The following CTBP2 variants were observed in gnomAD, a reference collection of about 807,000 sequenced individuals.
The protein encoded by CTBP2 is C-terminal binding protein 2.
A neutral mutation model predicts 80.3 loss-of-function variants in CTBP2; 30 were observed. That is an observed-to-expected ratio of 0.37 (90% CI 0.28 to 0.51). CTBP2 has a LOEUF of 0.51. Among genes scored for constraint, CTBP2 ranks in the 20% least tolerant of loss-of-function variants. The pLI, the probability that CTBP2 is intolerant of heterozygous loss-of-function variation, is 0.93. For synonymous variants in CTBP2, 594 were observed against 587.4 expected, an observed-to-expected ratio of 1.01 and a Z score of -0.16; for missense variants, 1,212 against 1,375.3, an observed-to-expected ratio of 0.88 and a Z score of 1.88.
At chr10:125,020,482 A>C (rs1956929081) in intron 1 of CTBP2, among the ~76,000 whole-genome samples, 1 of 152,232 alleles carries the variant, frequency 6.6e-6, no homozygotes, top group South Asian at 2.1e-4. Context: ...AGGTCAGTCA[A>C]CGCGGGCCTT....
chr10:125,035,292 G>A (rs1958736649), intron 3 of CTBP2, among the ~76,000 whole-genome samples: 1 of 152,124 alleles, frequency 6.6e-6, no homozygotes, highest in Non-Finnish European at 1.5e-5. Context: ...ATCCTCTGTG[G>A]TCGTGAGAAC....
chr10:125,022,999 T>C (rs1957202458), intron 1 of CTBP2, among the ~76,000 whole-genome samples: 1 of 152,152 alleles, frequency 6.6e-6, no homozygotes, highest in Admixed American at 6.5e-5. Context: ...GAGATCAGCG[T>C]TCACACCTCC....
At chr10:125,098,936 G>A (rs549846760) in intron 2 of CTBP2, among the ~76,000 whole-genome samples, 1 of 152,106 alleles carries the variant, frequency 6.6e-6, no homozygotes, top group Non-Finnish European at 1.5e-5. Context: ...GGTGTGTGGG[G>A]AATGGAACTG....
intron 2 of CTBP2, among the ~76,000 whole-genome samples, chr10:125,078,998 C>G (rs113711528): frequency 1.5e-5 from 2 of 132,774 alleles, no homozygotes; most frequent in South Asian, 2.6e-4. Context: ...AAAAAAAAAA[C>G]GAGCCGGGCA....
intron 2 of CTBP2, among the ~76,000 whole-genome samples, chr10:125,093,225 T>C (rs1389182198): frequency 1.3e-5 from 2 of 152,214 alleles, no homozygotes; most frequent in African/African-American, 2.4e-5. Context: ...TTTTGGAAAG[T>C]TAAGTTTTCT....
intron 2 of CTBP2, among the ~76,000 whole-genome samples, chr10:125,055,890 G>T (rs1391553146): frequency 6.6e-6 from 1 of 152,168 alleles, no homozygotes; most frequent in South Asian, 2.1e-4. Flanking sequence ...TAACTGGCCA[G>T]GCGTGGCAGC....
At chr10:125,103,129 G>A (rs1463930146) in intron 2 of CTBP2, among the ~76,000 whole-genome samples, 2 of 152,174 alleles carry the variant, frequency 1.3e-5, no homozygotes, top group Non-Finnish European at 2.9e-5. Context: ...CCCCTGAACA[G>A]GTAGTATAAC....
At chr10:125,042,425 A>AT (rs773567686) in intron 2 of CTBP2, among the ~76,000 whole-genome samples, 4 of 152,004 alleles carry the variant, frequency 2.6e-5, no homozygotes, top group Non-Finnish European at 5.9e-5. Flanking sequence ...TCATAAATCA[A>AT]TTTTTCCCCC....
intron 1 of CTBP2, among the ~76,000 whole-genome samples, chr10:125,135,386 C>T (rs1021014909): frequency 5.3e-5 from 8 of 152,178 alleles, no homozygotes; most frequent in African/African-American, 1.9e-4. Flanking sequence ...CACTGGAAAG[C>T]CAGATTCTTT....
At chr10:125,115,877 A>C (rs971327633) in intron 1 of CTBP2, among the ~76,000 whole-genome samples, 1 of 152,142 alleles carries the variant, frequency 6.6e-6, no homozygotes, top group African/African-American at 2.4e-5. Context: ...CTTCTGCCCC[A>C]AGCACAGGGC....
chr10:125,028,357 A>G (rs894918592), upstream of CTBP2, among the ~76,000 whole-genome samples: 6 of 152,318 alleles, frequency 3.9e-5, no homozygotes, highest in South Asian at 1.0e-3. Flanking sequence ...GGCTGCTTCA[A>G]TGTCAGTCCA....
At chr10:125,024,596 G>A (rs751839227) in intron 1 of CTBP2, among the ~76,000 whole-genome samples, 7 of 152,204 alleles carry the variant, frequency 4.6e-5, no homozygotes, top group Non-Finnish European at 1.0e-4. Flanking sequence ...ACTTGGGTGA[G>A]GAGATAATCT....
At chr10:125,023,629 C>T (rs891807116) in intron 1 of CTBP2, among the ~76,000 whole-genome samples, 23 of 152,216 alleles carry the variant, frequency 1.5e-4, no homozygotes, top group Admixed American at 1.3e-3. Flanking sequence ...TGGTGGGCCG[C>T]ACTGGGGTCC....
At chr10:125,030,149 C>G, upstream of CTBP2, among the ~76,000 whole-genome samples, 1 of 3,748 alleles carries the variant, frequency 2.7e-4, no homozygotes, top group East Asian at 0.045. Context: ...ACAAACACCA[C>G]ACACACACAC....
intron 2 of CTBP2, among the ~76,000 whole-genome samples, chr10:125,103,411 G>A (rs188212952): frequency 8.4e-4 from 128 of 152,326 alleles, no homozygotes; most frequent in Middle Eastern, 3.4e-3. Flanking sequence ...TTCTAAGTTC[G>A]TAGTCAGAGT....
At chr10:125,039,453 T>C (rs973910836) in intron 2 of CTBP2, among the ~76,000 whole-genome samples, 2 of 152,234 alleles carry the variant, frequency 1.3e-5, no homozygotes, top group African/African-American at 4.8e-5. Flanking sequence ...TAAATTCCAA[T>C]TTACTGACCA....
At chr10:125,045,329 G>A (rs943198856) in intron 2 of CTBP2, among the ~76,000 whole-genome samples, 1 of 152,136 alleles carries the variant, frequency 6.6e-6, no homozygotes, top group African/African-American at 2.4e-5. Context: ...ACAGCAGCCC[G>A]AACTAAGACA....
At chr10:125,037,689 C>T (rs576023553) in intron 3 of CTBP2, among the ~76,000 whole-genome samples, 8 of 152,254 alleles carry the variant, frequency 5.3e-5, no homozygotes, top group East Asian at 1.9e-4. Flanking sequence ...GGAGGAAATG[C>T]GAATATGCAG....
In CTBP2 at chr10:124,987,042, G is replaced by T. The variant is rs1952065471; in HGVS notation, c.*2476C>A. ...GTGCAGCATTCTTCCCTGTGGGAAA[G>T]AATTAAAGATGGTTCCATTTCCTAG... is the stretch of plus-strand genomic sequence containing the variant. On this transcript the variant is annotated 3_prime_UTR_variant, in exon 9 of 9. Transcript: ENST00000309035. 1 of 152,600 alleles carries T rather than the reference G, an allele frequency of 6.6e-6. No homozygotes were observed. Among genetic ancestry groups the T allele is most frequent in the African/African-American group, 2.4e-5 (1 of 41,430 alleles). 9.5% of individuals were successfully genotyped at this position (152,600 alleles called of 1,614,324 possible). A position where few individuals can be genotyped will look rare whatever the true frequency, so the allele number is the denominator to read the frequency against.
Sources: gnomAD v4.1 joint callset for allele counts (sites outside exome capture counted in the v4.1 genomes callset) on GRCh38, gnomAD v4.1.1 for gene constraint, MANE v1.5 for transcripts, NCBI Gene and HGNC (gene_info 2026-07-23, HGNC 2026-07-21) for gene names.